The following TBC1D16 variants were observed in gnomAD, a reference collection of about 807,000 sequenced individuals.
TBC1D16 encodes TBC1 domain family member 16.
Under a neutral mutation model 74.7 loss-of-function variants are expected in TBC1D16, and 58 were observed. The observed-to-expected ratio is 0.78, with a 90% CI of 0.63 to 0.97. The LOEUF is 0.97. Ranked by LOEUF, TBC1D16 falls within the 50% of genes least tolerant of loss-of-function variation. TBC1D16 has a pLI of 0.00. For missense variants in TBC1D16, 1,014 were observed against 1,079.5 expected, an observed-to-expected ratio of 0.94 and a Z score of 0.85; for synonymous variants, 493 against 474.7, an observed-to-expected ratio of 1.04 and a Z score of -0.50.
At chr17:79,943,897 G>A (rs770341510) in intron 10 of TBC1D16, 62 of 1,405,432 alleles carry the variant, frequency 4.4e-5, no homozygotes, top group Admixed American at 2.1e-4. Flanking sequence ...TTTTTAATTC[G>A]GGAGTGGTGG....
rs909850518 is a variant in TBC1D16 at position 79,993,415 on chromosome 17, G to A, written c.779+16745C>T. ...GAGGCCAGGAGGCACTTAGGTGGAC[G>A]GGCACCAGGAGCCCTGTGTCCTCTG... is the stretch of plus-strand genomic sequence containing the variant. On this transcript the variant is annotated intron_variant, in intron 3 of 11. Transcript: ENST00000310924. The surrounding 1 kb of genome is among the most constrained non-coding windows in gnomAD (Gnocchi z 5.1). 1.7e-4 allele frequency among the ~76,000 whole-genome samples: 26 copies of A among 152,318 alleles called. No homozygotes were observed. The highest frequency in any genetic ancestry group is 2.9e-5 in the Non-Finnish European group (2 of 68,028).
At chr17:80,004,188 G>A (rs1310017414) in intron 3 of TBC1D16, among the ~76,000 whole-genome samples, 3 of 152,244 alleles carry the variant, frequency 2.0e-5, no homozygotes, top group South Asian at 2.1e-4. Flanking sequence ...GCCGCAGTGC[G>A]GGACGGCGCA....
At chr17:79,999,902 T>C (rs1054810316) in intron 3 of TBC1D16, among the ~76,000 whole-genome samples, 1 of 152,050 alleles carries the variant, frequency 6.6e-6, no homozygotes, top group Non-Finnish European at 1.5e-5. Context: ...CCCATTTCTA[T>C]AGTGTCTTTG....
rs1246138143 is a variant in TBC1D16, at chr17:79,961,393, T to TG, written c.780-8576dup. On this transcript the variant is annotated intron_variant, in intron 3 of 11. Coordinates refer to ENST00000310924, the MANE Select transcript of TBC1D16 (RefSeq NM_019020.4). The surrounding 1 kb of genome is among the most constrained non-coding windows in gnomAD (Gnocchi z 4.8). ...AGGAACTGGAACTCTCACGGACTGC[T>TG]GGTGGGAATGCAACACGGCAAACCA... Among the ~76,000 whole-genome samples, 1 of 152,242 alleles carries TG rather than the reference T, an allele frequency of 6.6e-6. No individual in the cohort carries two copies. The highest frequency in any genetic ancestry group is 6.5e-5 in the Admixed American group (1 of 15,282).
chr17:79,947,586 G>A (rs752192405), intron 9 of TBC1D16, 59 bp downstream of exon 9: 24 of 1,578,038 alleles, frequency 1.5e-5, no homozygotes, highest in Middle Eastern at 1.7e-4. Flanking sequence ...CGGCTACAAC[G>A]GGAGAGGCAA....
Position 79,945,099 on chromosome 17 carries a change from G to A in TBC1D16, c.1729-12C>T, listed in dbSNP as rs1169086303. ...TCGCGCAGGTACAGCTGGGGGTGAG[G>A]CCGTCACGCGTTAGTTAGCTCCGGT... is the stretch of plus-strand genomic sequence containing the variant. On this transcript the variant is annotated splice_polypyrimidine_tract_variant and intron_variant, in intron 9 of 11. Coordinates refer to ENST00000310924, the MANE Select transcript of TBC1D16 (RefSeq NM_019020.4). 5.7e-6 allele frequency: 9 copies of A among 1,568,388 alleles called. No individual in the cohort carries two copies. The highest frequency in any genetic ancestry group is 1.9e-5 in the Admixed American group (1 of 52,748).
chr17:79,955,293 G>A (rs2033284700), intron 3 of TBC1D16, among the ~76,000 whole-genome samples: 2 of 152,134 alleles, frequency 1.3e-5, no homozygotes, highest in South Asian at 2.1e-4. Context: ...TGTGGTCATG[G>A]AGGACGAGGT....
chr17:79,965,310 G>T (rs1367306041), intron 3 of TBC1D16, among the ~76,000 whole-genome samples: 1 of 152,024 alleles, frequency 6.6e-6, no homozygotes, highest in Non-Finnish European at 1.5e-5. Context: ...TTTAACTCCT[G>T]ACCTCAAATG....
intron 3 of TBC1D16, among the ~76,000 whole-genome samples, chr17:79,976,053 C>G (rs2034317432): frequency 6.6e-6 from 1 of 152,376 alleles, no homozygotes; most frequent in South Asian, 2.1e-4. Flanking sequence ...CCAGGCAGAA[C>G]AGGTGCACAT....
Position 79,944,188 on chromosome 17 carries a change from C to A in TBC1D16, c.1908+720G>T. The A allele has an allele frequency of 6.6e-7, 1 of 1,520,544 alleles. No homozygotes were observed. Among genetic ancestry groups the A allele is most frequent in the South Asian group, 1.2e-5 (1 of 83,702 alleles). The allele number at this position is 1,520,544 out of a possible 1,614,324, so 94.2% of individuals were successfully genotyped here. On this transcript the variant is annotated intron_variant, in intron 10 of 11. Transcript: ENST00000310924. The surrounding 1 kb of genome is among the most constrained non-coding windows in gnomAD (Gnocchi z 7.7). ...TGTTTGCCTCCATCTTCAGGGTTCT[C>A]TGACGGAGGCTGCTGGAGCTGCCGT...
At chr17:80,027,057 G>A (rs1410883904) in intron 1 of TBC1D16, among the ~76,000 whole-genome samples, 1 of 152,166 alleles carries the variant, frequency 6.6e-6, no homozygotes, top group African/African-American at 2.4e-5. Flanking sequence ...CCAATCTATA[G>A]GAAGGACTCA....
intron 3 of TBC1D16, among the ~76,000 whole-genome samples, chr17:79,963,822 C>T (rs1007517243): frequency 2.6e-5 from 4 of 152,074 alleles, no homozygotes; most frequent in South Asian, 2.1e-4. Context: ...TGCATTTCCC[C>T]GATGATTAAT....
chr17:80,013,544 A>C lies in TBC1D16; in HGVS notation c.4T>G (p.Ser2Ala), dbSNP rs759949391. 2.7e-6 allele frequency: 4 copies of C among 1,508,450 alleles called. No individual in the cohort carries two copies. The Admixed American group carries it at 9.2e-5, about 35-fold the overall frequency. The allele number at this position is 1,508,450 out of a possible 1,614,324, so 93.4% of individuals were successfully genotyped here. A position where few individuals can be genotyped will look rare whatever the true frequency, so the allele number is the denominator to read the frequency against. MSLGRLLRRASS... is the reference protein window; with the variant it reads MALGRLLRRASS... ...GCCCTGCGAAGGAGGCGGCCCAGAG[A>C]CATTGCCGGGCAAGTGTTTCCATCC... The change falls in exon 2 of 12, where the codon TCT (serine) becomes GCT (alanine). Residue 2 changes from serine (S) to alanine (A), a missense_variant. Coordinates refer to ENST00000310924, the MANE Select transcript of TBC1D16 (RefSeq NM_019020.4).
Position 79,981,693 on chromosome 17 carries a change from C to T in TBC1D16, c.779+28467G>A, listed in dbSNP as rs781410164. On this transcript the variant is annotated intron_variant, in intron 3 of 11. Transcript: ENST00000310924. This position sits in a 1 kb window ranked among gnomAD's most constrained non-coding sequence, Gnocchi z 6.9. ...ACAGTCAAAGAAGCACCTCCCACAC[C>T]GGAGGCAAGGGACGCGCCACCCTCG... Among the ~76,000 whole-genome samples, 42 of 152,258 alleles carry T rather than the reference C, an allele frequency of 2.8e-4. No individual in the cohort carries two copies. The highest frequency in any genetic ancestry group is 4.3e-4 in the Non-Finnish European group (29 of 68,040).
chr17:80,027,832 C>T (rs1426923512), intron 1 of TBC1D16, among the ~76,000 whole-genome samples: 3 of 139,952 alleles, frequency 2.1e-5, no homozygotes, highest in Non-Finnish European at 4.5e-5. Flanking sequence ...GCAGAGGTTG[C>T]AGTGAGCTGA....
chr17:80,005,778 T>G (rs112822076), intron 3 of TBC1D16, among the ~76,000 whole-genome samples: 32 of 152,264 alleles, frequency 2.1e-4, no homozygotes, highest in Middle Eastern at 3.4e-3. Context: ...AGACCCCACC[T>G]GGCCATACTC....
intron 9 of TBC1D16, among the ~76,000 whole-genome samples, 154 bp downstream of exon 9, chr17:79,947,491 C>A (rs1205336960): frequency 6.6e-6 from 1 of 152,212 alleles, no homozygotes; most frequent in East Asian, 1.9e-4. Context: ...GCTAAGCCGC[C>A]CATATCCCAC....
At chr17:79,972,893 G>A (rs548665766) in intron 3 of TBC1D16, among the ~76,000 whole-genome samples, 1 of 152,066 alleles carries the variant, frequency 6.6e-6, no homozygotes, top group Admixed American at 6.6e-5. Context: ...ACCAGCCTGG[G>A]TAACATGATG....
At chr17:80,030,797 G>A (rs1018603595) in intron 1 of TBC1D16, among the ~76,000 whole-genome samples, 7 of 152,076 alleles carry the variant, frequency 4.6e-5, no homozygotes, top group African/African-American at 7.2e-5. Flanking sequence ...TGGGGGCCAC[G>A]GGACGCAGCC....
Sources: allele counts gnomAD v4.1 joint callset (sites outside exome capture counted in the v4.1 genomes callset), GRCh38; gene constraint gnomAD v4.1.1; non-coding constraint Gnocchi (gnomAD v3.1); transcripts MANE v1.5; gene names NCBI Gene and HGNC (gene_info 2026-07-23, HGNC 2026-07-21).